Variants in SPATA31A5 observed in about 807,000 individuals in gnomAD.
SPATA31A5 encodes SPATA31 subfamily A member 5.
At chr9:60,915,226 T>TG (rs1825497761) in intron 1 of SPATA31A5, among the ~76,000 whole-genome samples, 1 of 120,690 alleles carries the variant, frequency 8.3e-6, no homozygotes, top group African/African-American at 3.1e-5. Flanking sequence ...TGTGTGTGTA[T>TG]TTTTATTTTA....
intron 1 of SPATA31A5, among the ~76,000 whole-genome samples, chr9:60,915,250 T>TTTTTATTTTA (rs758221670): frequency 0.01 from 906 of 87,242 alleles, 5 homozygotes; most frequent in Non-Finnish European, 0.015. Context: ...GTGTGTGTTA[T>TTTTTATTTTA]TTTTATTTTA....
At position 60,916,778 on chromosome 9, in the gene SPATA31A5, C is replaced by A; in HGVS notation, c.322C>A (p.His108Asn). 1.3e-5 allele frequency: 1 copy of A among 75,686 alleles called. No individual in the cohort carries two copies. The highest frequency in any genetic ancestry group is 6.8e-5 in the South Asian group (1 of 14,726). 4.7% of individuals were successfully genotyped at this position (75,686 alleles called of 1,614,324 possible). Residue 108 changes from histidine (H) to asparagine (N), a missense_variant, in exon 4 of 4, where the codon CAC (histidine) becomes AAC (asparagine). His to Asn is a moderately conservative substitution (Grantham distance 68). Transcript: ENST00000437823. ...LSQLQSLLGP[H>N]LDKGDFGQLS... ...TGTCTCCTGCAGCCTCCTGGGGCCA[C>A]ACCTTGACAAAGGTGACTTTGGTCA...
Position 60,915,205 on chromosome 9 carries a change from G to GTGTGTGTGTA in SPATA31A5, c.189+590_189+591insATGTGTGTGT, listed in dbSNP as rs1338357247. Among the ~76,000 whole-genome samples the GTGTGTGTGTA allele has an allele frequency of 1.3e-3, 150 of 113,016 alleles. 1 individual carries two copies. In the South Asian group the frequency reaches 0.02, roughly 15 times the overall value. 74.1% of individuals were successfully genotyped at this position (113,016 alleles called of 152,430 possible). A position where few individuals can be genotyped will look rare whatever the true frequency, so the allele number is the denominator to read the frequency against. The stretch of plus-strand genomic sequence containing the variant: ...AATCCCTCTGTGTGTGTGTGTGTGT[G>GTGTGTGTGTA]TGTGTGTGTGTGTGTGTGTATTTTT... On this transcript the variant is annotated intron_variant, in intron 1 of 3. Transcript: ENST00000437823.
In SPATA31A5 at chr9:60,916,434, T is replaced by TCTCCTGATTTCCAG; in HGVS notation, c.248-12_249dup. ...CCCCTCCCTCACTGCCCTAACCCAG[T>TCTCCTGATTTCCAG]CTCCTGATTTCCAGCTGGTAGAGAG... On this transcript the variant is annotated splice_polypyrimidine_tract_variant and intron_variant, in intron 2 of 3. Coordinates refer to ENST00000437823, the MANE Select transcript of SPATA31A5 (RefSeq NM_001113541.3). The TCTCCTGATTTCCAG allele has an allele frequency of 9.3e-6, 2 of 214,842 alleles. No homozygotes were observed. The highest frequency in any genetic ancestry group is 1.6e-5 in the Non-Finnish European group (2 of 127,320). 13.3% of individuals were successfully genotyped at this position (214,842 alleles called of 1,614,324 possible).
intron 1 of SPATA31A5, among the ~76,000 whole-genome samples, chr9:60,915,227 T>A (rs1479061013): frequency 8.4e-6 from 1 of 119,554 alleles, no homozygotes; most frequent in Non-Finnish European, 1.9e-5. Context: ...GTGTGTGTAT[T>A]TTTATTTTAT....
intron 1 of SPATA31A5, among the ~76,000 whole-genome samples, chr9:60,914,948 C>T (rs1398618445): frequency 6.0e-5 from 2 of 33,194 alleles, no homozygotes; most frequent in East Asian, 4.1e-4. Flanking sequence ...AGCCCTGGCT[C>T]ATCAGCCCCT....
At chr9:60,916,601 A>T in intron 3 of SPATA31A5, 92 bp downstream of exon 3, 1 of 477,748 alleles carries the variant, frequency 2.1e-6, no homozygotes, top group Non-Finnish European at 3.2e-6. Flanking sequence ...TGGGATGGGG[A>T]GACCAGGGGG....
intron 1 of SPATA31A5, among the ~76,000 whole-genome samples, chr9:60,915,187 CTG>C (rs1161833993): frequency 1.4e-3 from 111 of 76,902 alleles, no homozygotes; most frequent in Non-Finnish European, 1.8e-3. Flanking sequence ...GAAAATCCCT[CTG>C]TGTGTGTGTG....
chr9:60,915,232 TTTTA>T (rs1436593178), intron 1 of SPATA31A5, among the ~76,000 whole-genome samples: 4 of 121,768 alleles, frequency 3.3e-5, no homozygotes, highest in African/African-American at 6.1e-5. Flanking sequence ...TGTATTTTTA[TTTTA>T]TTTGTGTGTG....
At chr9:60,915,187 C>CTGTGTGTGTGTG (rs1161833993) in intron 1 of SPATA31A5, among the ~76,000 whole-genome samples, 257 of 76,652 alleles carry the variant, frequency 3.4e-3, no homozygotes, top group Middle Eastern at 6.8e-3. Context: ...GAAAATCCCT[C>CTGTGTGTGTGTG]TGTGTGTGTG....
chr9:60,915,049 G>A lies in SPATA31A5; in HGVS notation c.189+425G>A, dbSNP rs1184814896. ...CCCTGAGGGCCTCCCACCAGGGCCTGGTGTCTCCTCTGGTCTTCTGGGAAG... is the reference window on the plus strand; with the variant it reads ...CCCTGAGGGCCTCCCACCAGGGCCTAGTGTCTCCTCTGGTCTTCTGGGAAG... On this transcript the variant is annotated intron_variant, in intron 1 of 3. Coordinates refer to ENST00000437823, the MANE Select transcript of SPATA31A5 (RefSeq NM_001113541.3). Among the ~76,000 whole-genome samples the A allele has an allele frequency of 4.6e-3, 194 of 42,400 alleles. 3 individuals are homozygous for A. Among genetic ancestry groups the A allele is most frequent in the African/African-American group, 0.018 (190 of 10,820 alleles). The allele number at this position is 42,400 out of a possible 152,430, so 27.8% of individuals were successfully genotyped here.
intron 1 of SPATA31A5, among the ~76,000 whole-genome samples, chr9:60,915,369 T>G (rs1160539038): frequency 2.5e-5 from 1 of 39,670 alleles, no homozygotes; most frequent in Non-Finnish European, 5.5e-5. Context: ...CTGCAACCTC[T>G]GCTTCCTGAG....
rs1210137307 is a variant in SPATA31A5, at chr9:60,915,322, G to T, written c.190-501G>T. ...TTTTTGAGATGGAGTCTCGCTCTGT[G>T]GTGCAGGTTGCAGTGAAATGGAGTG... is the stretch of plus-strand genomic sequence containing the variant. On this transcript the variant is annotated intron_variant, in intron 1 of 3. Coordinates refer to ENST00000437823, the MANE Select transcript of SPATA31A5 (RefSeq NM_001113541.3). 8.4e-5 allele frequency among the ~76,000 whole-genome samples: 6 copies of T among 71,794 alleles called. No individual in the cohort carries two copies. The East Asian group carries it at 1.5e-3, about 17-fold the overall frequency. The allele number at this position is 71,794 out of a possible 152,430, so 47.1% of individuals were successfully genotyped here. A position where few individuals can be genotyped will look rare whatever the true frequency, so the allele number is the denominator to read the frequency against.
At chr9:60,915,022 G>A (rs1453386012) in intron 1 of SPATA31A5, among the ~76,000 whole-genome samples, 1 of 43,722 alleles carries the variant, frequency 2.3e-5, no homozygotes, top group Non-Finnish European at 4.9e-5. Context: ...CCTGTGCTGG[G>A]CCCCTGAGGG....
intron 1 of SPATA31A5, among the ~76,000 whole-genome samples, chr9:60,915,157 T>C (rs1825494960): frequency 1.1e-5 from 1 of 88,330 alleles, no homozygotes; most frequent in East Asian, 2.3e-4. Context: ...ACTGAAGGTG[T>C]CCGTGGTGGA....
chr9:60,915,259 T>C (rs1186843639), intron 1 of SPATA31A5, among the ~76,000 whole-genome samples: 1,614 of 78,058 alleles, frequency 0.021, 2 homozygotes, highest in South Asian at 0.047. Flanking sequence ...ATTTTTATTT[T>C]ATTTTATTTT....
intron 1 of SPATA31A5, among the ~76,000 whole-genome samples, chr9:60,914,971 T>C (rs1825490310): frequency 2.6e-5 from 1 of 38,524 alleles, no homozygotes; most frequent in Admixed American, 2.4e-4. Context: ...CTGGTGCAGG[T>C]GGCTCAGGGC....
chr9:60,915,110 G>A (rs1424399230), intron 1 of SPATA31A5, among the ~76,000 whole-genome samples: 2 of 62,194 alleles, frequency 3.2e-5, no homozygotes, highest in South Asian at 1.6e-3. Flanking sequence ...GTGCCTGCGG[G>A]CCTGAACTTG....
intron 1 of SPATA31A5, among the ~76,000 whole-genome samples, chr9:60,915,352 C>T (rs1381851484): frequency 3.6e-5 from 2 of 56,318 alleles, no homozygotes; most frequent in East Asian, 3.5e-4. Flanking sequence ...GGAGTGATAT[C>T]GGCTCACTGC....
Sources: gnomAD v4.1 joint callset for allele counts (sites outside exome capture counted in the v4.1 genomes callset) on GRCh38, gnomAD v4.1.1 for gene constraint, MANE v1.5 for transcripts, NCBI Gene and HGNC (gene_info 2026-07-23, HGNC 2026-07-21) for gene names.